The following AGPS variants were observed in gnomAD, a reference collection of about 807,000 sequenced individuals.
AGPS encodes the protein alkyldihydroxyacetonephosphate synthase, peroxisomal.
AGPS carries 26 observed loss-of-function variants against 90.7 expected under a neutral mutation model. That is an observed-to-expected ratio of 0.29 (90% CI 0.21 to 0.40). The LOEUF (loss-of-function observed/expected upper bound fraction) is 0.40. AGPS is among the 10% of genes least tolerant of loss of function. AGPS has a pLI of 1.00. For synonymous variants in AGPS, 294 were observed against 285.3 expected (o/e 1.03, Z -0.31); for missense variants, 540 against 816.1 (o/e 0.66, Z 4.12).
chr2:177,467,235 T>C lies in AGPS; in HGVS notation c.997-1181T>C, dbSNP rs1481457212. ...TGTGTTTCATCTGCTCTTTAAATTATGTCATCAATATATTAACATGTAAAT... is the reference window on the plus strand; with the variant it reads ...TGTGTTTCATCTGCTCTTTAAATTACGTCATCAATATATTAACATGTAAAT... On this transcript the variant is annotated intron_variant, in intron 9 of 19. Coordinates refer to ENST00000264167, the MANE Select transcript of AGPS (RefSeq NM_003659.4). 3.9e-5 allele frequency among the ~76,000 whole-genome samples: 6 copies of C among 152,260 alleles called. No individual in the cohort carries two copies. The East Asian group carries it at 1.2e-3, about 29-fold the overall frequency.
chr2:177,457,664 G>C (rs1355205196), intron 8 of AGPS, among the ~76,000 whole-genome samples: 2 of 152,080 alleles, frequency 1.3e-5, no homozygotes, highest in Non-Finnish European at 2.9e-5. Context: ...AAACCAATAA[G>C]AAGTCCTGAA....
intron 8 of AGPS, among the ~76,000 whole-genome samples, chr2:177,455,385 C>G (rs1008358863): frequency 6.6e-6 from 1 of 152,170 alleles, no homozygotes; most frequent in African/African-American, 2.4e-5. Flanking sequence ...TCACAGTGCT[C>G]ATCACCTGTG....
At position 177,497,681 on chromosome 2, in the gene AGPS, CTTCTT is replaced by C. The variant is rs753840020; in HGVS notation, c.1286-7_1286-3del. ...AACCTATTAATATAAACTTTTTTCT[CTTCTT>C]AGGTCATGCTCTTAAACCTCAGGTT... On this transcript the variant is annotated splice_region_variant and splice_polypyrimidine_tract_variant and intron_variant, in intron 12 of 19. Transcript: ENST00000264167. The C allele has an allele frequency of 2.0e-5, 30 of 1,532,950 alleles. No individual in the cohort carries two copies. Among genetic ancestry groups the C allele is most frequent in the Non-Finnish European group, 2.7e-5 (30 of 1,125,428 alleles). 95.0% of individuals were successfully genotyped at this position (1,532,950 alleles called of 1,614,324 possible). A position where few individuals can be genotyped will look rare whatever the true frequency, so the allele number is the denominator to read the frequency against.
chr2:177,478,467 G>A (rs990353625), intron 10 of AGPS, among the ~76,000 whole-genome samples: 3 of 152,040 alleles, frequency 2.0e-5, no homozygotes, highest in South Asian at 4.2e-4. Flanking sequence ...TTTTCTTCCA[G>A]TACTCCCATT....
intron 14 of AGPS, among the ~76,000 whole-genome samples, chr2:177,499,976 A>G (rs1688514211): frequency 6.6e-6 from 1 of 151,794 alleles, no homozygotes; most frequent in African/African-American, 2.4e-5. Flanking sequence ...CTAATCATAT[A>G]TATATTATTA....
intron 8 of AGPS, among the ~76,000 whole-genome samples, chr2:177,450,686 G>A (rs776741171): frequency 2.6e-4 from 40 of 151,878 alleles, no homozygotes; most frequent in Non-Finnish European, 5.0e-4. Context: ...GCTTTATCAC[G>A]AGTCTTTTTC....
intron 1 of AGPS, among the ~76,000 whole-genome samples, chr2:177,414,672 T>C (rs1284793457): frequency 1.3e-5 from 2 of 152,208 alleles, no homozygotes; most frequent in African/African-American, 4.8e-5. Context: ...GATTTTATAA[T>C]AAACCATCAT....
intron 1 of AGPS, among the ~76,000 whole-genome samples, chr2:177,411,710 T>A (rs1298956119): frequency 6.6e-6 from 1 of 152,226 alleles, no homozygotes; most frequent in Non-Finnish European, 1.5e-5. Context: ...CAGGGTTATC[T>A]GATAATTTAC....
At chr2:177,530,035 T>C (rs1205224414) in intron 19 of AGPS, among the ~76,000 whole-genome samples, 2 of 152,216 alleles carry the variant, frequency 1.3e-5, no homozygotes, top group Non-Finnish European at 2.9e-5. Flanking sequence ...TGTTTGTTTT[T>C]AATAATAGCA....
intron 5 of AGPS, 44 bp downstream of exon 5, chr2:177,437,098 T>G: frequency 6.4e-7 from 1 of 1,564,142 alleles, no homozygotes; most frequent in Non-Finnish European, 8.8e-7. Flanking sequence ...TATTGCTAAA[T>G]TTTAGGTAAA....
rs954292755 is a variant in AGPS at position 177,491,765 on chromosome 2, C to G, written c.1234-1383C>G. Reference sequence around the variant, plus strand: ...TAAATGTAATATACTTTCCTTCCCCCCCCCCCCCTTTTTTTTCATTTTGTT... The same window carrying G: ...TAAATGTAATATACTTTCCTTCCCCGCCCCCCCCTTTTTTTTCATTTTGTT... On this transcript the variant is annotated intron_variant, in intron 11 of 19. Coordinates refer to ENST00000264167, the MANE Select transcript of AGPS (RefSeq NM_003659.4). Among the ~76,000 whole-genome samples, 16 of 110,984 alleles carry G rather than the reference C, an allele frequency of 1.4e-4. 2 individuals carry two copies. The Middle Eastern group carries it at 0.014, about 96-fold the overall frequency. The allele number at this position is 110,984 out of a possible 152,430, so 72.8% of individuals were successfully genotyped here.
intron 1 of AGPS, among the ~76,000 whole-genome samples, chr2:177,398,233 G>A (rs1685239940): frequency 6.6e-6 from 1 of 152,092 alleles, no homozygotes; most frequent in Non-Finnish European, 1.5e-5. Context: ...GGCAAAATTC[G>A]AGCTTATTTT....
Position 177,468,436 on chromosome 2 carries a change from A to G in AGPS, c.1017A>G (p.Val339=). The change falls in exon 10 of 20, where the codon GTA becomes GTG. Residue 339 remains valine (V), a synonymous_variant. Transcript: ENST00000264167. Reference sequence around the variant, plus strand: ...AACAGGTGGTTCATATAAAAATGGTAACACCTAGAGGTATAATAGAAAAAA... The same window carrying G: ...AACAGGTGGTTCATATAAAAATGGTGACACCTAGAGGTATAATAGAAAAAA... ...IEDLVVHIKM[V]TPRGIIEKSC... The G allele has an allele frequency of 6.2e-7, 1 of 1,610,588 alleles. No homozygotes were observed. The highest frequency in any genetic ancestry group is 8.5e-7 in the Non-Finnish European group (1 of 1,177,796).
rs981096203 is a variant in AGPS at position 177,437,107 on chromosome 2, A to T, written c.637+53A>T. On this transcript the variant is annotated intron_variant, in intron 5 of 19. Transcript: ENST00000264167. ...ATTTAGTATTGCTAAATTTTAGGTAAATTTAACATTGGAAATACGTACTTT... is the reference window on the plus strand; with the variant it reads ...ATTTAGTATTGCTAAATTTTAGGTATATTTAACATTGGAAATACGTACTTT... The T allele has an allele frequency of 9.8e-6, 15 of 1,522,998 alleles. No individual in the cohort carries two copies. In the African/African-American group the frequency reaches 1.8e-4, roughly 18 times the overall value. The allele number at this position is 1,522,998 out of a possible 1,614,324, so 94.3% of individuals were successfully genotyped here.
chr2:177,479,148 G>A lies in AGPS; in HGVS notation c.1106-2911G>A, dbSNP rs75963743. On this transcript the variant is annotated intron_variant, in intron 10 of 19. Transcript: ENST00000264167. The stretch of plus-strand genomic sequence containing the variant: ...CCTCTGCTTTAGGAGCTGAATGCTG[G>A]GAGAAGGTGGGGAAGGAAATTAGGT... Among the ~76,000 whole-genome samples the A allele has an allele frequency of 6.6e-3, 1,005 of 152,280 alleles. 11 individuals carry two copies. Among genetic ancestry groups the A allele is most frequent in the African/African-American group, 0.024 (979 of 41,546 alleles).
intron 10 of AGPS, among the ~76,000 whole-genome samples, chr2:177,474,454 C>T (rs577817973): frequency 4.3e-4 from 65 of 152,270 alleles, no homozygotes; most frequent in African/African-American, 1.2e-3. Context: ...GCTGAAGAGC[C>T]CAGGCTTCTT....
At chr2:177,467,345 C>T (rs1049323846) in intron 9 of AGPS, among the ~76,000 whole-genome samples, 3 of 152,046 alleles carry the variant, frequency 2.0e-5, no homozygotes, top group Admixed American at 6.5e-5. Flanking sequence ...TCTTAATGAA[C>T]ATTTAAATTA....
At position 177,393,277 on chromosome 2, in the gene AGPS, A is replaced by G. The variant is rs960025823; in HGVS notation, c.260+228A>G. On this transcript the variant is annotated intron_variant, in intron 1 of 19. Coordinates refer to ENST00000264167, the MANE Select transcript of AGPS (RefSeq NM_003659.4). Reference sequence around the variant, plus strand: ...ATTTTGGTCACTATGTGAGGGTAACAGGCTTGAAGAACTCTCGTTGGAGAA... The same window carrying G: ...ATTTTGGTCACTATGTGAGGGTAACGGGCTTGAAGAACTCTCGTTGGAGAA... 5 of 985,234 alleles carry G rather than the reference A, an allele frequency of 5.1e-6. No individual in the cohort carries two copies. The African/African-American group carries it at 8.7e-5, about 17-fold the overall frequency. 61.0% of individuals were successfully genotyped at this position (985,234 alleles called of 1,614,324 possible).
intron 10 of AGPS, among the ~76,000 whole-genome samples, chr2:177,473,134 T>G (rs1009358495): frequency 5.9e-5 from 9 of 152,218 alleles, no homozygotes; most frequent in African/African-American, 2.2e-4. Flanking sequence ...TCTGTTGGAA[T>G]TTTTTCTTTT....
Sources: gnomAD v4.1 joint callset for allele counts (sites outside exome capture counted in the v4.1 genomes callset) on GRCh38, gnomAD v4.1.1 for gene constraint, MANE v1.5 for transcripts, NCBI Gene and HGNC (gene_info 2026-07-23, HGNC 2026-07-21) for gene names.